The following DNM3 variants were observed in gnomAD, a reference collection of about 807,000 sequenced individuals.
The protein encoded by DNM3 is dynamin 3, also known as dynamin-3.
Under a neutral mutation model 101.6 loss-of-function variants are expected in DNM3, and 47 were observed. The observed-to-expected ratio is 0.46, with a 90% CI of 0.37 to 0.59. DNM3 has a LOEUF of 0.59. Among genes scored for constraint, DNM3 ranks in the 20% least tolerant of loss-of-function variants. DNM3 has a pLI of 0.00. For synonymous variants in DNM3, 385 were observed against 387.9 expected (o/e 0.99, Z 0.09); for missense variants, 849 against 1,085.7 (o/e 0.78, Z 3.06).
chr1:172,180,970 T>C (rs1299005023), intron 14 of DNM3, among the ~76,000 whole-genome samples: 1 of 152,124 alleles, frequency 6.6e-6, no homozygotes, highest in African/African-American at 2.4e-5. Context: ...ATAGTTCTTT[T>C]GTTGTCAACT....
intron 4 of DNM3, among the ~76,000 whole-genome samples, chr1:172,014,332 T>G (rs1243582575): frequency 4.6e-5 from 7 of 152,184 alleles, no homozygotes; most frequent in Non-Finnish European, 1.0e-4. Context: ...AATTACTGAA[T>G]CATATGGTAA....
Position 172,409,263 on chromosome 1 carries a change from T to G in DNM3, c.*1422T>G. On this transcript the variant is annotated 3_prime_UTR_variant, in exon 21 of 21. Coordinates refer to ENST00000627582, the MANE Select transcript of DNM3 (RefSeq NM_015569.5). ...CATATTCTACAGAAGTAAATCAGGT[T>G]TCACCAACTGAAATGTCTCCCTTTG... 1 of 985,382 alleles carries G rather than the reference T, an allele frequency of 1.0e-6. No individual in the cohort carries two copies. The highest frequency in any genetic ancestry group is 4.7e-5 in the South Asian group (1 of 21,288). 61.0% of individuals were successfully genotyped at this position (985,382 alleles called of 1,614,324 possible).
intron 4 of DNM3, among the ~76,000 whole-genome samples, chr1:171,993,960 C>T (rs1032140715): frequency 2.0e-5 from 3 of 151,908 alleles, no homozygotes; most frequent in African/African-American, 7.2e-5. Context: ...TTTCTGTCTC[C>T]TTACTGATAT....
chr1:172,403,284 T>C (rs1179760641), intron 20 of DNM3, among the ~76,000 whole-genome samples: 1 of 152,110 alleles, frequency 6.6e-6, no homozygotes, highest in Non-Finnish European at 1.5e-5. Flanking sequence ...GCCAATCCAT[T>C]TCACAAATCA....
intron 20 of DNM3, among the ~76,000 whole-genome samples, chr1:172,403,099 C>T (rs1558096840): frequency 6.6e-6 from 1 of 152,102 alleles, no homozygotes; most frequent in Non-Finnish European, 1.5e-5. Flanking sequence ...TTGCCAAGAG[C>T]ATATCAATCT....
intron 1 of DNM3, chr1:171,864,201 G>A (rs962032073): frequency 6.6e-6 from 1 of 152,192 alleles, no homozygotes; most frequent in African/African-American, 2.4e-5. Context: ...GGGATTGCAA[G>A]GACACCTGCT....
intron 15 of DNM3, among the ~76,000 whole-genome samples, chr1:172,301,796 C>T (rs959532111): frequency 1.3e-5 from 2 of 151,814 alleles, no homozygotes; most frequent in South Asian, 2.1e-4. Flanking sequence ...AAAAGCATGA[C>T]ACAAGATAAT....
At chr1:172,298,883 GAGAA>G (rs71979968) in intron 15 of DNM3, among the ~76,000 whole-genome samples, 26,974 of 149,072 alleles carry the variant, frequency 0.18, 2,566 homozygotes, top group East Asian at 0.24. Context: ...GAGAAAGACA[GAGAA>G]AGAAAGAAAG....
At chr1:171,931,793 C>A (rs1180347365) in intron 2 of DNM3, among the ~76,000 whole-genome samples, 2 of 151,982 alleles carry the variant, frequency 1.3e-5, no homozygotes, top group Admixed American at 6.6e-5. Context: ...GGCTGTAGTC[C>A]TCTCCCATTA....
intron 1 of DNM3, among the ~76,000 whole-genome samples, chr1:171,914,895 T>C (rs2039593376): frequency 6.6e-6 from 1 of 151,940 alleles, no homozygotes; most frequent in Non-Finnish European, 1.5e-5. Flanking sequence ...CAAGTGTGTG[T>C]TGAGAGCTTA....
chr1:172,300,108 G>A (rs952637774), intron 15 of DNM3, among the ~76,000 whole-genome samples: 23 of 151,730 alleles, frequency 1.5e-4, no homozygotes, highest in Non-Finnish European at 2.6e-4. Flanking sequence ...GCCTCATCAT[G>A]GTTTTGATTT....
In DNM3 at chr1:172,081,817, C is replaced by G. The variant is rs1431304758; in HGVS notation, c.1423-15C>G. ...TAGATGGGTTTTCACTGAAGTGTTTCTCTTTGACTTATAGGTATTGCTATT... is the reference window on the plus strand; with the variant it reads ...TAGATGGGTTTTCACTGAAGTGTTTGTCTTTGACTTATAGGTATTGCTATT... On this transcript the variant is annotated splice_polypyrimidine_tract_variant and intron_variant, in intron 11 of 20. Coordinates refer to ENST00000627582, the MANE Select transcript of DNM3 (RefSeq NM_015569.5). 1.9e-6 allele frequency: 3 copies of G among 1,605,852 alleles called. No individual in the cohort carries two copies. The African/African-American group carries it at 4.0e-5, about 21-fold the overall frequency.
chr1:171,920,034 G>A (rs75730762), intron 1 of DNM3, among the ~76,000 whole-genome samples: 4,295 of 152,210 alleles, frequency 0.028, 104 homozygotes, highest in Middle Eastern at 0.085. Context: ...AGTCATATAC[G>A]TTGACATTCT....
chr1:172,012,136 A>T (rs952447186), intron 4 of DNM3, among the ~76,000 whole-genome samples: 1 of 152,028 alleles, frequency 6.6e-6, no homozygotes, highest in African/African-American at 2.4e-5. Context: ...AGACTCAAAC[A>T]TGTAATGGTG....
At chr1:172,151,102 G>A (rs1045835848) in intron 14 of DNM3, among the ~76,000 whole-genome samples, 1 of 152,088 alleles carries the variant, frequency 6.6e-6, no homozygotes, top group Non-Finnish European at 1.5e-5. Context: ...GTATGTATTT[G>A]TATATATATT....
At chr1:171,916,945 C>T (rs1474173916) in intron 1 of DNM3, among the ~76,000 whole-genome samples, 1 of 152,148 alleles carries the variant, frequency 6.6e-6, no homozygotes, top group African/African-American at 2.4e-5. Flanking sequence ...CCTCCTACCT[C>T]ATATTTCTTC....
At chr1:172,335,553 T>C (rs1259452137) in intron 17 of DNM3, among the ~76,000 whole-genome samples, 1 of 152,174 alleles carries the variant, frequency 6.6e-6, no homozygotes, top group Non-Finnish European at 1.5e-5. Context: ...CCTAGGTGCC[T>C]ATCAATGGCA....
intron 1 of DNM3, among the ~76,000 whole-genome samples, chr1:171,919,947 T>C (rs1019114925): frequency 6.6e-6 from 1 of 152,204 alleles, no homozygotes; most frequent in Admixed American, 6.5e-5. Flanking sequence ...TGAATTTTTT[T>C]TGATGAATAA....
In DNM3 at chr1:172,412,122, T is replaced by A. The variant is rs2071244688; in HGVS notation, c.*4281T>A. On this transcript the variant is annotated 3_prime_UTR_variant, in exon 21 of 21. Coordinates refer to ENST00000627582, the MANE Select transcript of DNM3 (RefSeq NM_015569.5). ...AAGAGAGAGGAAACTCAAAGAGGAG[T>A]GTTTGTCTTAAGACCTGTTCATACT... The A allele has an allele frequency of 2.0e-6, 2 of 985,386 alleles. No individual in the cohort carries two copies. The highest frequency in any genetic ancestry group is 3.5e-5 in the African/African-American group (2 of 57,256). The allele number at this position is 985,386 out of a possible 1,614,324, so 61.0% of individuals were successfully genotyped here. A position where few individuals can be genotyped will look rare whatever the true frequency, so the allele number is the denominator to read the frequency against.
Sources: allele counts gnomAD v4.1 joint callset (sites outside exome capture counted in the v4.1 genomes callset), GRCh38; gene constraint gnomAD v4.1.1; transcripts MANE v1.5; gene names NCBI Gene and HGNC (gene_info 2026-07-23, HGNC 2026-07-21).